The following SHANK2 variants were observed in gnomAD, a reference collection of about 807,000 sequenced individuals.
The protein encoded by SHANK2 is SH3 and multiple ankyrin repeat domains 2.
Under a neutral mutation model 133.7 loss-of-function variants are expected in SHANK2, and 43 were observed. The ratio of observed to expected loss-of-function variants is 0.32; its 90% CI spans 0.25 to 0.41. SHANK2 has a LOEUF of 0.41. SHANK2 is among the 10% of genes least tolerant of loss of function. The pLI, the probability that SHANK2 is intolerant of heterozygous loss-of-function variation, is 1.00. For missense variants in SHANK2, 1,994 were observed against 2,235.8 expected (o/e 0.89, Z 2.18); for synonymous variants, 1,017 against 952.8 (o/e 1.07, Z -1.24).
chr11:71,085,565 AAAAT>A lies in SHANK2; in HGVS notation c.912+6853_912+6856del, dbSNP rs1951370346. On this transcript the variant is annotated intron_variant, in intron 8 of 25. Transcript: ENST00000601538. ...AAATATATAACATATTATATTATAT[AAAAT>A]ATATATTATATAATATATTATATAA... is the stretch of plus-strand genomic sequence containing the variant. 5.9e-4 allele frequency among the ~76,000 whole-genome samples: 48 copies of A among 81,128 alleles called. No homozygotes were observed. The East Asian group carries it at 0.013, about 22-fold the overall frequency. 53.2% of individuals were successfully genotyped at this position (81,128 alleles called of 152,430 possible).
intron 14 of SHANK2, among the ~76,000 whole-genome samples, chr11:70,791,335 C>T (rs1947782265): frequency 6.6e-6 from 1 of 152,152 alleles, no homozygotes; most frequent in Non-Finnish European, 1.5e-5. Context: ...GGGGTGAGGA[C>T]ATGCATGTAA....
intron 12 of SHANK2, among the ~76,000 whole-genome samples, chr11:70,813,280 T>C (rs1374402175): frequency 6.6e-6 from 1 of 151,966 alleles, no homozygotes; most frequent in Admixed American, 6.5e-5. Context: ...GACAGCTGGG[T>C]AGTGCAGAGA....
chr11:71,207,749 C>T (rs1434027324), intron 2 of SHANK2, among the ~76,000 whole-genome samples: 1 of 152,184 alleles, frequency 6.6e-6, no homozygotes, highest in Non-Finnish European at 1.5e-5. Context: ...GCCAGGTCTT[C>T]CAGTCCTCGC....
At position 70,775,865 on chromosome 11, in the gene SHANK2, C is replaced by T. The variant is rs546280462; in HGVS notation, c.1777+22578G>A. ...TAAGCCAATGTTTATTCATAATCCC[C>T]GAATCTGTTTCCCATCGTCTATTTC... On this transcript the variant is annotated intron_variant, in intron 14 of 25. Transcript: ENST00000601538. Among the ~76,000 whole-genome samples the T allele has an allele frequency of 5.9e-5, 9 of 152,352 alleles. 1 individual carries two copies. Among genetic ancestry groups the T allele is most frequent in the Admixed American group, 3.9e-4 (6 of 15,306 alleles).
intron 17 of SHANK2, among the ~76,000 whole-genome samples, chr11:70,589,595 T>A (rs2060295774): frequency 6.6e-6 from 1 of 152,068 alleles, no homozygotes; most frequent in African/African-American, 2.4e-5. Flanking sequence ...AAGCCTCATA[T>A]TTAAGAAACA....
At chr11:71,139,664 T>C (rs1327941364) in intron 3 of SHANK2, among the ~76,000 whole-genome samples, 2 of 152,192 alleles carry the variant, frequency 1.3e-5, no homozygotes, top group Non-Finnish European at 2.9e-5. Context: ...CCATGCTGAA[T>C]GTCCAGAGCC....
intron 10 of SHANK2, among the ~76,000 whole-genome samples, chr11:70,947,804 C>T (rs1304527635): frequency 3.3e-5 from 5 of 152,190 alleles, no homozygotes; most frequent in East Asian, 1.9e-4. Flanking sequence ...ATTTTACCAA[C>T]GTTGCTTCCC....
At chr11:70,666,405 G>T (rs956841790) in intron 15 of SHANK2, among the ~76,000 whole-genome samples, 1 of 152,284 alleles carries the variant, frequency 6.6e-6, no homozygotes, top group African/African-American at 2.4e-5. Flanking sequence ...GGTCTCACAC[G>T]CAGGCCTTAG....
intron 17 of SHANK2, chr11:70,634,795 AG>A (rs1422348338): frequency 6.6e-6 from 1 of 152,258 alleles, no homozygotes; most frequent in Non-Finnish European, 1.5e-5. Flanking sequence ...CAGGAGGCAA[AG>A]GTCGCAGTGA....
intron 2 of SHANK2, among the ~76,000 whole-genome samples, chr11:71,215,270 G>A (rs1954382681): frequency 6.6e-6 from 1 of 152,166 alleles, no homozygotes; most frequent in South Asian, 2.1e-4. Flanking sequence ...TCTCAGCAGG[G>A]GCAGCACCAA....
At chr11:71,087,509 G>A (rs1213789901) in intron 8 of SHANK2, among the ~76,000 whole-genome samples, 1 of 152,188 alleles carries the variant, frequency 6.6e-6, no homozygotes, top group African/African-American at 2.4e-5. Flanking sequence ...CAGGAAAACA[G>A]CAATGCAACC....
At chr11:70,626,537 G>A (rs1555000023) in intron 17 of SHANK2, among the ~76,000 whole-genome samples, 1 of 152,206 alleles carries the variant, frequency 6.6e-6, no homozygotes, top group Non-Finnish European at 1.5e-5. Flanking sequence ...AAACAGGAAA[G>A]ATGGACAGCT....
intron 4 of SHANK2, among the ~76,000 whole-genome samples, chr11:71,118,017 A>G (rs376305732): frequency 2.0e-5 from 3 of 152,138 alleles, no homozygotes; most frequent in Non-Finnish European, 2.9e-5. Context: ...TGAATTAATT[A>G]TTGACATCCA....
chr11:70,837,915 A>G (rs1948844375), intron 11 of SHANK2, among the ~76,000 whole-genome samples: 2 of 142,526 alleles, frequency 1.4e-5, no homozygotes, highest in South Asian at 4.8e-4. Flanking sequence ...CGGAAGTTCC[A>G]GTGAGCCAAG....
intron 17 of SHANK2, among the ~76,000 whole-genome samples, chr11:70,542,512 G>A (rs987615087): frequency 1.1e-4 from 17 of 152,316 alleles, no homozygotes; most frequent in South Asian, 6.2e-4. Flanking sequence ...CATGTGTGTC[G>A]TTTGCAGCAC....
rs372115363 is a variant in SHANK2 at position 70,618,680 on chromosome 11, G to A, written c.2061+41148C>T. Among the ~76,000 whole-genome samples, 19 of 152,346 alleles carry A rather than the reference G, an allele frequency of 1.2e-4. No homozygotes were observed. The East Asian group carries it at 3.3e-3, about 26-fold the overall frequency. On this transcript the variant is annotated intron_variant, in intron 17 of 25. Coordinates refer to ENST00000601538, the MANE Select transcript of SHANK2 (RefSeq NM_012309.5). ...AATTAACACCGACTGGGAGAGCAAG[G>A]CGCAGGCTTCTGGGTTAAATCAGCC...
chr11:70,525,279 G>C (rs2059381752), intron 17 of SHANK2, among the ~76,000 whole-genome samples: 1 of 152,220 alleles, frequency 6.6e-6, no homozygotes, highest in Non-Finnish European at 1.5e-5. Context: ...TGTATACCTT[G>C]CCCAGGCTTG....
At chr11:71,141,953 C>T (rs72957688) in intron 3 of SHANK2, among the ~76,000 whole-genome samples, 31,286 of 149,920 alleles carry the variant, frequency 0.21, 3,492 homozygotes, top group South Asian at 0.31. Flanking sequence ...GGCATGCAAA[C>T]CTCCAACGGT....
At chr11:71,185,415 C>T (rs1953650191) in intron 2 of SHANK2, among the ~76,000 whole-genome samples, 2 of 152,214 alleles carry the variant, frequency 1.3e-5, no homozygotes, top group Non-Finnish European at 2.9e-5. Flanking sequence ...GGAATCATCT[C>T]CTCTTGGCCA....
Sources: gnomAD v4.1 joint callset for allele counts (sites outside exome capture counted in the v4.1 genomes callset) on GRCh38, gnomAD v4.1.1 for gene constraint, MANE v1.5 for transcripts, NCBI Gene and HGNC (gene_info 2026-07-23, HGNC 2026-07-21) for gene names.